CBLB: variants seen among roughly 807,000 people sequenced by gnomAD.
CBLB encodes Cbl proto-oncogene B.
CBLB carries 31 observed loss-of-function variants against 104.9 expected under a neutral mutation model. The ratio of observed to expected loss-of-function variants is 0.30; its 90% CI spans 0.22 to 0.40. The LOEUF is 0.40. Ranked by LOEUF, CBLB falls within the 10% of genes least tolerant of loss-of-function variation. CBLB has a pLI of 1.00. For synonymous variants in CBLB, 440 were observed against 422.6 expected (o/e 1.04, Z -0.51); for missense variants, 1,062 against 1,214.6 (o/e 0.87, Z 1.87).
intron 2 of CBLB, among the ~76,000 whole-genome samples, chr3:105,863,552 G>A (rs955795849): frequency 1.8e-4 from 27 of 152,068 alleles, no homozygotes; most frequent in African/African-American, 6.5e-4. Context: ...AGAGATATGA[G>A]GAACTCAGCT....
chr3:105,773,445 C>T (rs187580327), intron 4 of CBLB, among the ~76,000 whole-genome samples: 61 of 152,206 alleles, frequency 4.0e-4, no homozygotes, highest in African/African-American at 1.4e-3. Context: ...GTACAGTGTG[C>T]ACTGCTCAGG....
chr3:105,811,331 A>G (rs1040751359), intron 3 of CBLB, among the ~76,000 whole-genome samples: 1 of 152,350 alleles, frequency 6.6e-6, no homozygotes. Flanking sequence ...ATATCTGTAG[A>G]ATTTTATGAC....
intron 3 of CBLB, among the ~76,000 whole-genome samples, chr3:105,843,438 A>T (rs2089824865): frequency 6.6e-6 from 1 of 152,200 alleles, no homozygotes; most frequent in Admixed American, 6.5e-5. Context: ...TAATTATTCT[A>T]ATTAATCCTC....
intron 3 of CBLB, among the ~76,000 whole-genome samples, chr3:105,793,016 CTTAATAA>C (rs2081868753): frequency 6.6e-6 from 1 of 152,130 alleles, no homozygotes; most frequent in African/African-American, 2.4e-5. Flanking sequence ...CTCCTTGTAA[CTTAATAA>C]TTAAAGAGCA....
At chr3:105,749,846 G>GA (rs1256510439) in intron 5 of CBLB, 4 of 195,572 alleles carry the variant, frequency 2.0e-5, no homozygotes, top group South Asian at 1.9e-4. Flanking sequence ...TAAAATCTTT[G>GA]AAAAAAACAT....
chr3:105,691,200 G>C (rs1216361688), intron 13 of CBLB, among the ~76,000 whole-genome samples: 1 of 152,208 alleles, frequency 6.6e-6, no homozygotes, highest in East Asian at 1.9e-4. Context: ...AAACTGGAGA[G>C]ATAACTGTGC....
At chr3:105,693,819 TG>T (rs1429941636) in intron 12 of CBLB, among the ~76,000 whole-genome samples, 2 of 151,990 alleles carry the variant, frequency 1.3e-5, no homozygotes, top group Non-Finnish European at 2.9e-5. Context: ...TCTTAAACAC[TG>T]AGAGGGAATA....
chr3:105,794,605 T>G (rs539239421), intron 3 of CBLB, among the ~76,000 whole-genome samples: 98 of 152,274 alleles, frequency 6.4e-4, no homozygotes, highest in African/African-American at 2.2e-3. Flanking sequence ...GGGGCTAGAA[T>G]TGAGTCTTTG....
At chr3:105,864,766 T>C (rs1165790972) in intron 2 of CBLB, among the ~76,000 whole-genome samples, 1 of 152,164 alleles carries the variant, frequency 6.6e-6, no homozygotes, top group Non-Finnish European at 1.5e-5. Context: ...CAATTGACCA[T>C]TTTAAATTCC....
intron 3 of CBLB, among the ~76,000 whole-genome samples, chr3:105,790,115 T>C (rs2081473257): frequency 6.6e-6 from 1 of 152,232 alleles, no homozygotes; most frequent in Non-Finnish European, 1.5e-5. Context: ...TCTCTGAAGA[T>C]ACTGATTATT....
At chr3:105,861,099 A>T (rs139746117) in intron 2 of CBLB, among the ~76,000 whole-genome samples, 23 of 152,104 alleles carry the variant, frequency 1.5e-4, no homozygotes, top group African/African-American at 5.3e-4. Context: ...GTCTTTCATT[A>T]CTTGAAAAAA....
chr3:105,718,224 CTG>C (rs1160394965), intron 10 of CBLB, among the ~76,000 whole-genome samples: 1 of 152,160 alleles, frequency 6.6e-6, no homozygotes, highest in Non-Finnish European at 1.5e-5. Flanking sequence ...TTAATAAAAA[CTG>C]TATCTTTCAG....
At chr3:105,851,345 A>G (rs545971674) in intron 3 of CBLB, among the ~76,000 whole-genome samples, 3 of 152,158 alleles carry the variant, frequency 2.0e-5, no homozygotes, top group Non-Finnish European at 4.4e-5. Context: ...CTGCACAGAC[A>G]GTAAAAAGAT....
chr3:105,798,982 A>T (rs913482495), intron 3 of CBLB, among the ~76,000 whole-genome samples: 10 of 152,186 alleles, frequency 6.6e-5, no homozygotes, highest in Admixed American at 4.6e-4. Context: ...TTTCTTTTAA[A>T]AGAAATATCA....
At chr3:105,672,407 A>G in intron 17 of CBLB, 1 of 177,330 alleles carries the variant, frequency 5.6e-6, no homozygotes, top group East Asian at 9.5e-5. Flanking sequence ...GCTATTTGTC[A>G]GCCATAGGGT....
intron 6 of CBLB, among the ~76,000 whole-genome samples, chr3:105,741,612 GTCTCGA>G (rs2075594204): frequency 6.6e-6 from 1 of 152,166 alleles, no homozygotes; most frequent in South Asian, 2.1e-4. Context: ...AGCCAGGATG[GTCTCGA>G]TCTCCTGACC....
In CBLB at chr3:105,776,407, A is replaced by T; in HGVS notation, c.555T>A (p.Phe185Leu). Reference protein sequence around the residue: ...KADAAEFWRKFFGDKTIVPWK... With the variant: ...KADAAEFWRKLFGDKTIVPWK... ...TGATTTTTACTTACTTGTCTCCAAA[A>T]AACTTTCTCCAGAATTCAGCAGCAT... Residue 185 changes from phenylalanine to leucine, a missense_variant, in exon 4 of 19, where the codon TTT becomes TTA. Physicochemically the swap from Phe to Leu is conservative, Grantham distance 22. Coordinates refer to ENST00000394030, the MANE Select transcript of CBLB (RefSeq NM_170662.5). 1 of 1,613,622 alleles carries T rather than the reference A, an allele frequency of 6.2e-7. No individual in the cohort carries two copies. The highest frequency in any genetic ancestry group is 8.5e-7 in the Non-Finnish European group (1 of 1,179,836).
chr3:105,679,633 G>A (rs940426497), intron 16 of CBLB, among the ~76,000 whole-genome samples: 4 of 151,996 alleles, frequency 2.6e-5, no homozygotes, highest in African/African-American at 4.8e-5. Flanking sequence ...AAAATTAGCC[G>A]GGCATGGTGG....
intron 1 of CBLB, 145 bp downstream of exon 1, chr3:105,868,591 G>A: frequency 2.3e-6 from 1 of 433,750 alleles, no homozygotes; most frequent in Non-Finnish European, 3.3e-6. Context: ...GTCTTTAAAT[G>A]CCCCACTTCA....
Sources: allele counts gnomAD v4.1 joint callset (sites outside exome capture counted in the v4.1 genomes callset), GRCh38; gene constraint gnomAD v4.1.1; transcripts MANE v1.5; gene names NCBI Gene and HGNC (gene_info 2026-07-23, HGNC 2026-07-21).